The following C3orf20 variants were observed in gnomAD, a reference collection of about 807,000 sequenced individuals.
The protein encoded by C3orf20 is uncharacterized protein C3orf20.
C3orf20 carries 76 observed loss-of-function variants against 88.3 expected under a neutral mutation model. The observed-to-expected ratio is 0.86, with a 90% CI of 0.72 to 1.04. The LOEUF is 1.04. Among genes scored for constraint, C3orf20 ranks in the 50% least tolerant of loss-of-function variants. The pLI is 0.00. For missense variants in C3orf20, 1,056 were observed against 1,123.3 expected (o/e 0.94, Z 0.86); for synonymous variants, 436 against 437.4 (o/e 1.00, Z 0.04).
At chr3:14,736,410 C>T (rs887814173) in intron 12 of C3orf20, among the ~76,000 whole-genome samples, 24 of 151,974 alleles carry the variant, frequency 1.6e-4, no homozygotes, top group African/African-American at 4.1e-4. Flanking sequence ...CCTGCTTCAG[C>T]CTTCTGGGTA....
chr3:14,717,840 G>T (rs1367904497), intron 9 of C3orf20, among the ~76,000 whole-genome samples: 2 of 152,096 alleles, frequency 1.3e-5, no homozygotes. Flanking sequence ...TGCTGGATAT[G>T]ATTCTGGGAT....
chr3:14,754,786 G>A (rs1359180142), intron 12 of C3orf20, among the ~76,000 whole-genome samples: 5 of 152,128 alleles, frequency 3.3e-5, no homozygotes, highest in Non-Finnish European at 7.3e-5. Flanking sequence ...GTGCATTGGT[G>A]TGATCATGGC....
chr3:14,730,520 C>T (rs576407153), intron 12 of C3orf20, among the ~76,000 whole-genome samples: 1 of 152,070 alleles, frequency 6.6e-6, no homozygotes, highest in Non-Finnish European at 1.5e-5. Flanking sequence ...GCACTCCAGC[C>T]TGGGTGACAG....
rs749026636 is a variant in C3orf20 at position 14,683,211 on chromosome 3, G to A, written c.484+14G>A. 6.4e-6 allele frequency: 10 copies of A among 1,551,426 alleles called. No individual in the cohort carries two copies. The highest frequency in any genetic ancestry group is 1.9e-5 in the Admixed American group (1 of 51,862). The stretch of plus-strand genomic sequence containing the variant: ...AGTCTATGTCGGGTAAGGCCCAGAT[G>A]TTTGTGTATGTGCCCACCACACCCA... On this transcript the variant is annotated intron_variant, in intron 3 of 16. Coordinates refer to ENST00000253697, the MANE Select transcript of C3orf20 (RefSeq NM_032137.5).
intron 10 of C3orf20, among the ~76,000 whole-genome samples, chr3:14,724,302 C>T (rs545484882): frequency 1.3e-5 from 2 of 152,106 alleles, no homozygotes; most frequent in African/African-American, 2.4e-5. Context: ...TTCTGGCAAC[C>T]TCTTGTCTGA....
chr3:14,685,804 A>C (rs74368966), intron 4 of C3orf20, among the ~76,000 whole-genome samples: 1 of 147,530 alleles, frequency 6.8e-6, no homozygotes, highest in Non-Finnish European at 1.5e-5. Context: ...TTTTTCATTC[A>C]GCATATAATG....
intron 5 of C3orf20, 80 bp from the exon 6 acceptor site, chr3:14,703,050 C>T (rs1431921453): frequency 6.6e-7 from 1 of 1,526,644 alleles, no homozygotes; most frequent in African/African-American, 1.4e-5. Context: ...CTCCAGGTCT[C>T]ACATCCAGGT....
intron 8 of C3orf20, among the ~76,000 whole-genome samples, chr3:14,714,816 A>G (rs1170869573): frequency 1.3e-5 from 2 of 152,190 alleles, no homozygotes; most frequent in East Asian, 3.9e-4. Flanking sequence ...TGTGTTGACC[A>G]GGATGATCTC....
intron 12 of C3orf20, among the ~76,000 whole-genome samples, chr3:14,736,652 C>T (rs1386552834): frequency 6.6e-6 from 1 of 151,532 alleles, no homozygotes; most frequent in Non-Finnish European, 1.5e-5. Context: ...CTGCAACCTC[C>T]ACTTCCCAGG....
At chr3:14,746,459 T>C (rs1260833090) in intron 12 of C3orf20, among the ~76,000 whole-genome samples, 1 of 152,232 alleles carries the variant, frequency 6.6e-6, no homozygotes, top group Non-Finnish European at 1.5e-5. Context: ...AACTGTTTTT[T>C]CCCTGTGGTC....
intron 1 of C3orf20, among the ~76,000 whole-genome samples, chr3:14,675,968 G>A (rs528728035): frequency 7.9e-5 from 12 of 152,052 alleles, no homozygotes; most frequent in South Asian, 2.1e-4. Flanking sequence ...CTGGGATGAC[G>A]GGTGTGAGCC....
At chr3:14,766,654 T>C (rs541758936) in intron 15 of C3orf20, among the ~76,000 whole-genome samples, 6 of 152,306 alleles carry the variant, frequency 3.9e-5, no homozygotes, top group African/African-American at 1.2e-4. Flanking sequence ...GCTGCACTCA[T>C]ACAGCAGTGG....
chr3:14,741,040 G>T (rs1280588215), intron 12 of C3orf20, among the ~76,000 whole-genome samples: 1 of 152,148 alleles, frequency 6.6e-6, no homozygotes, highest in Non-Finnish European at 1.5e-5. Flanking sequence ...CAGATATTGT[G>T]TATGAAAAAC....
chr3:14,723,709 A>G (rs1021528949), intron 10 of C3orf20, among the ~76,000 whole-genome samples: 1 of 152,230 alleles, frequency 6.6e-6, no homozygotes, highest in Non-Finnish European at 1.5e-5. Context: ...GCTGAGATAA[A>G]TGATCTTGCT....
intron 7 of C3orf20, among the ~76,000 whole-genome samples, chr3:14,711,627 CTTTTTTTTTTTTTTT>C (rs35966332): frequency 2.8e-5 from 2 of 72,588 alleles, no homozygotes; most frequent in African/African-American, 9.6e-5. Context: ...ATCCTGCCAG[CTTTTTTTTTTTTTTT>C]TTTTTTTTTT....
chr3:14,676,986 T>C (rs143133229), intron 1 of C3orf20, among the ~76,000 whole-genome samples: 1 of 152,332 alleles, frequency 6.6e-6, no homozygotes. Context: ...ACAGCATCTA[T>C]TAATTTTCCT....
At chr3:14,708,153 A>G (rs2033599293) in intron 7 of C3orf20, among the ~76,000 whole-genome samples, 1 of 152,122 alleles carries the variant, frequency 6.6e-6, no homozygotes, top group African/African-American at 2.4e-5. Context: ...GTTTATACTT[A>G]TAGGTCTTGC....
intron 12 of C3orf20, among the ~76,000 whole-genome samples, chr3:14,734,393 C>G (rs1211349384): frequency 6.6e-6 from 1 of 152,042 alleles, no homozygotes; most frequent in African/African-American, 2.4e-5. Flanking sequence ...CTTTGATATG[C>G]CATATGGTAA....
At chr3:14,761,707 A>C in intron 15 of C3orf20, 92 bp downstream of exon 15, 1 of 955,018 alleles carries the variant, frequency 1.0e-6, no homozygotes, top group Non-Finnish European at 1.5e-6. Context: ...AACTGAGGGG[A>C]GCAGGCGGGG....
Sources: gnomAD v4.1 joint callset for allele counts (sites outside exome capture counted in the v4.1 genomes callset) on GRCh38, gnomAD v4.1.1 for gene constraint, MANE v1.5 for transcripts, NCBI Gene and HGNC (gene_info 2026-07-23, HGNC 2026-07-21) for gene names.